Variants in CADM2 observed in about 807,000 individuals in gnomAD.
CADM2 encodes cell adhesion molecule 2, also known as immunoglobulin superfamily member 4D.
CADM2 carries 12 observed loss-of-function variants against 49.8 expected under a neutral mutation model. That is an observed-to-expected ratio of 0.24 (90% CI 0.15 to 0.39). The LOEUF (loss-of-function observed/expected upper bound fraction) is 0.39, where lower values mean the gene tolerates loss of function less well. Ranked by LOEUF, CADM2 falls within the 10% of genes least tolerant of loss-of-function variation. CADM2 has a pLI of 1.00. For synonymous variants in CADM2, 214 were observed against 175.4 expected, an observed-to-expected ratio of 1.22 and a Z score of -1.74; for missense variants, 378 against 492.3, an observed-to-expected ratio of 0.77 and a Z score of 2.20.
chr3:85,505,822 A>G (rs2040326150), intron 1 of CADM2, among the ~76,000 whole-genome samples: 2 of 152,206 alleles, frequency 1.3e-5, no homozygotes, highest in Admixed American at 6.5e-5. Flanking sequence ...TTTGAATTAA[A>G]CATATGTTAG....
intron 1 of CADM2, among the ~76,000 whole-genome samples, chr3:85,451,837 A>G (rs1027254335): frequency 6.6e-6 from 1 of 152,144 alleles, no homozygotes; most frequent in Non-Finnish European, 1.5e-5. Context: ...TTTAGCTATT[A>G]TCGTGAAGTG....
chr3:85,305,176 T>C (rs1306132956), intron 1 of CADM2, among the ~76,000 whole-genome samples: 1 of 151,610 alleles, frequency 6.6e-6, no homozygotes, highest in Non-Finnish European at 1.5e-5. Flanking sequence ...ATAGGAAATA[T>C]GTTTTTAGTC....
intron 1 of CADM2, among the ~76,000 whole-genome samples, chr3:85,000,490 T>C (rs574021854): frequency 6.6e-6 from 1 of 152,244 alleles, no homozygotes; most frequent in South Asian, 2.1e-4. Flanking sequence ...GCTAATATGC[T>C]GATACTTTTC....
chr3:85,716,318 G>C (rs1417588922), intron 1 of CADM2, among the ~76,000 whole-genome samples: 1 of 152,166 alleles, frequency 6.6e-6, no homozygotes, highest in Non-Finnish European at 1.5e-5. Flanking sequence ...AGAAATGTCT[G>C]TTCATAACCT....
chr3:85,390,516 C>G (rs2034467057), intron 1 of CADM2, among the ~76,000 whole-genome samples: 1 of 152,032 alleles, frequency 6.6e-6, no homozygotes, highest in Non-Finnish European at 1.5e-5. Flanking sequence ...CCTTCCTTAT[C>G]CTTCTAGGTG....
chr3:85,365,627 G>A (rs2032730903), intron 1 of CADM2, among the ~76,000 whole-genome samples: 1 of 152,002 alleles, frequency 6.6e-6, no homozygotes, highest in African/African-American at 2.4e-5. Flanking sequence ...TTGTTTGTTA[G>A]TTGTTCATTT....
chr3:85,376,061 T>C (rs1357720859), intron 1 of CADM2, among the ~76,000 whole-genome samples: 1 of 152,154 alleles, frequency 6.6e-6, no homozygotes, highest in African/African-American at 2.4e-5. Flanking sequence ...TAAGTACTAT[T>C]ATTATCAATT....
At chr3:85,312,163 AG>A (rs1159269666) in intron 1 of CADM2, among the ~76,000 whole-genome samples, 18 of 152,174 alleles carry the variant, frequency 1.2e-4, no homozygotes, top group African/African-American at 4.1e-4. Context: ...TCCCCACGTT[AG>A]AATCATCTCT....
chr3:85,740,211 C>T (rs1002444455), intron 2 of CADM2, among the ~76,000 whole-genome samples: 1 of 152,184 alleles, frequency 6.6e-6, no homozygotes, highest in African/African-American at 2.4e-5. Context: ...CTTTTGATAT[C>T]TGTACACAGA....
intron 1 of CADM2, among the ~76,000 whole-genome samples, chr3:85,723,328 T>C (rs1334795856): frequency 1.3e-5 from 2 of 152,192 alleles, no homozygotes; most frequent in Non-Finnish European, 2.9e-5. Flanking sequence ...ATTTTATCTA[T>C]AAACAGTTAA....
At chr3:85,255,112 A>G (rs2042856561) in intron 1 of CADM2, among the ~76,000 whole-genome samples, 1 of 152,098 alleles carries the variant, frequency 6.6e-6, no homozygotes, top group South Asian at 2.1e-4. Flanking sequence ...ATTTTGAACT[A>G]TTCACTTTTA....
intron 1 of CADM2, among the ~76,000 whole-genome samples, chr3:85,605,428 A>G (rs1217900226): frequency 6.6e-6 from 1 of 152,062 alleles, no homozygotes; most frequent in Non-Finnish European, 1.5e-5. Flanking sequence ...CAGTGTAATC[A>G]GAGCGTGAAT....
intron 1 of CADM2, among the ~76,000 whole-genome samples, chr3:85,104,684 G>A (rs1276272505): frequency 6.6e-6 from 1 of 152,174 alleles, no homozygotes; most frequent in African/African-American, 2.4e-5. Context: ...TCATGACATT[G>A]ATTCTTCCTA....
chr3:85,422,947 G>A (rs1343288289), intron 1 of CADM2, among the ~76,000 whole-genome samples: 1 of 152,064 alleles, frequency 6.6e-6, no homozygotes, highest in Non-Finnish European at 1.5e-5. Context: ...CAGCCTTTTT[G>A]GGTTCCCGCA....
intron 2 of CADM2, among the ~76,000 whole-genome samples, chr3:85,755,057 T>C (rs1266469567): frequency 6.6e-6 from 1 of 152,196 alleles, no homozygotes; most frequent in Non-Finnish European, 1.5e-5. Context: ...TGGCACCAAC[T>C]GGACGTCCTA....
intron 1 of CADM2, among the ~76,000 whole-genome samples, chr3:85,032,454 G>C (rs2035029597): frequency 6.6e-6 from 1 of 152,044 alleles, no homozygotes; most frequent in South Asian, 2.1e-4. Context: ...GACACATGCA[G>C]AATGTACTAA....
chr3:85,709,852 AGG>A (rs1187684143), intron 1 of CADM2, among the ~76,000 whole-genome samples: 1 of 152,088 alleles, frequency 6.6e-6, no homozygotes, highest in Non-Finnish European at 1.5e-5. Context: ...CTCTTTGAAA[AGG>A]GGGTTTTATG....
At chr3:85,638,471 A>G (rs963864360) in intron 1 of CADM2, among the ~76,000 whole-genome samples, 4 of 152,122 alleles carry the variant, frequency 2.6e-5, no homozygotes, top group African/African-American at 9.6e-5. Context: ...TGATTTTTAG[A>G]ACAAGAGGTG....
Position 85,549,055 on chromosome 3 carries a change from A to T in CADM2, c.62-177467A>T, listed in dbSNP as rs1463105283. On this transcript the variant is annotated intron_variant, in intron 1 of 9. Transcript: ENST00000383699. ...AATACCTGAAAGAAAACCTGGTCCT[A>T]TGAAGCCAAGTAAGCATAATCAATA... Among the ~76,000 whole-genome samples the T allele has an allele frequency of 2.0e-5, 3 of 152,216 alleles. No individual in the cohort carries two copies. In the East Asian group the frequency reaches 5.8e-4, roughly 29 times the overall value.
Sources: allele counts gnomAD v4.1 joint callset (sites outside exome capture counted in the v4.1 genomes callset), GRCh38; gene constraint gnomAD v4.1.1; transcripts MANE v1.5; gene names NCBI Gene and HGNC (gene_info 2026-07-23, HGNC 2026-07-21).